Variants in BDNF observed in about 807,000 individuals in gnomAD.
BDNF encodes the protein brain derived neurotrophic factor.
A neutral mutation model predicts 19.5 loss-of-function variants in BDNF; 1 was observed. The ratio of observed to expected loss-of-function variants is 0.05; its 90% CI spans 0.02 to 0.24. The LOEUF is 0.24. Among genes scored for constraint, BDNF ranks in the 10% least tolerant of loss-of-function variants. The pLI is 1.00. For synonymous variants in BDNF, 100 were observed against 121.6 expected, an observed-to-expected ratio of 0.82 and a Z score of 1.17; for missense variants, 195 against 317.6, an observed-to-expected ratio of 0.61 and a Z score of 2.93.
chr11:27,720,484 G>T (rs1248678564), intron 1 of BDNF: 11 of 985,700 alleles, frequency 1.1e-5, no homozygotes, highest in Non-Finnish European at 1.3e-5. Context: ...CAACTTCAGC[G>T]AGCTCAATGA....
chr11:27,668,852 C>T (rs2353487), intron 1 of BDNF, among the ~76,000 whole-genome samples: 81,986 of 151,726 alleles, frequency 0.54, 25,128 homozygotes, highest in East Asian at 0.75. Context: ...GAGCTGGTAC[C>T]ATTCTGAAAC....
chr11:27,721,446 C>T lies in BDNF; in HGVS notation c.-32G>A, dbSNP rs1769835191. On this transcript the variant is annotated 5_prime_UTR_variant, in exon 1 of 2. Coordinates refer to the BDNF transcript ENST00000314915. ...TTTGCTGTCCTGGAGACTCAAGTGT[C>T]TTAAAATCTCGTCTCCCCAACAGAT... 2.5e-6 allele frequency: 4 copies of T among 1,613,428 alleles called. No individual in the cohort carries two copies. In the African/African-American group the frequency reaches 4.0e-5, roughly 16 times the overall value.
intron 1 of BDNF, chr11:27,660,150 A>G (rs1445700379): frequency 2.7e-5 from 30 of 1,120,924 alleles, no homozygotes; most frequent in Non-Finnish European, 3.2e-5. Flanking sequence ...TTCAAAGGCA[A>G]CCTACCTCCA....
At chr11:27,670,934 GCTA>G (rs1440676431) in intron 1 of BDNF, among the ~76,000 whole-genome samples, 1 of 152,198 alleles carries the variant, frequency 6.6e-6, no homozygotes, top group African/African-American at 2.4e-5. Context: ...TATAAATCAT[GCTA>G]CTATAAAGAC....
intron 1 of BDNF, among the ~76,000 whole-genome samples, chr11:27,698,466 A>G (rs1456298582): frequency 6.6e-6 from 1 of 152,188 alleles, no homozygotes; most frequent in African/African-American, 2.4e-5. Context: ...CATTGAAGGC[A>G]CACACGTTCA....
intron 1 of BDNF, chr11:27,720,511 C>T (rs1860707262): frequency 1.0e-6 from 1 of 985,798 alleles, no homozygotes; most frequent in Admixed American, 6.2e-5. Context: ...CAAACTGGGG[C>T]TCGCTTTCCA....
At chr11:27,687,403 C>A (rs1857620278) in intron 1 of BDNF, among the ~76,000 whole-genome samples, 1 of 152,182 alleles carries the variant, frequency 6.6e-6, no homozygotes, top group Admixed American at 6.5e-5. Flanking sequence ...CTGAAGCATA[C>A]TTCTGTCAAT....
intron 1 of BDNF, among the ~76,000 whole-genome samples, chr11:27,673,026 G>T (rs1334064328): frequency 1.3e-5 from 2 of 152,078 alleles, no homozygotes; most frequent in African/African-American, 4.8e-5. Flanking sequence ...ATTTGCAAAT[G>T]GGTGGGGCTG....
upstream of BDNF, among the ~76,000 whole-genome samples, chr11:27,704,431 A>C (rs1272254499): frequency 1.3e-5 from 2 of 152,134 alleles, no homozygotes; most frequent in East Asian, 3.8e-4. Flanking sequence ...TGACATTGAC[A>C]TGTTTTTTCT....
At chr11:27,699,217 C>T (rs1859587588) in intron 1 of BDNF, among the ~76,000 whole-genome samples, 1 of 151,884 alleles carries the variant, frequency 6.6e-6, no homozygotes, top group Non-Finnish European at 1.5e-5. Context: ...TCCCTCATCC[C>T]CGCTCTACCC....
chr11:27,667,323 G>A (rs964398048), intron 1 of BDNF, among the ~76,000 whole-genome samples: 10 of 152,154 alleles, frequency 6.6e-5, no homozygotes, highest in Non-Finnish European at 1.3e-4. Flanking sequence ...ATGCCAAATT[G>A]TAAAGATCAT....
intron 1 of BDNF, among the ~76,000 whole-genome samples, chr11:27,715,141 T>C (rs1860465499): frequency 1.3e-5 from 2 of 152,174 alleles, no homozygotes; most frequent in African/African-American, 4.8e-5. Context: ...AATAAAATTA[T>C]GAATGCTAGA....
intron 1 of BDNF, among the ~76,000 whole-genome samples, chr11:27,694,991 C>T (rs1858817675): frequency 1.3e-5 from 2 of 152,156 alleles, no homozygotes; most frequent in South Asian, 2.1e-4. Flanking sequence ...TACATTACAA[C>T]GTTAAAAGGA....
At chr11:27,673,602 C>T (rs538674223) in intron 1 of BDNF, among the ~76,000 whole-genome samples, 1 of 152,266 alleles carries the variant, frequency 6.6e-6, no homozygotes, top group South Asian at 2.1e-4. Flanking sequence ...GCTGCATAAC[C>T]ACACTTTTAA....
intron 1 of BDNF, among the ~76,000 whole-genome samples, chr11:27,668,189 A>C (rs1004969183): frequency 8.5e-5 from 13 of 152,214 alleles, no homozygotes; most frequent in Admixed American, 2.0e-4. Flanking sequence ...AACGAAGTGA[A>C]GGCAGAAATA....
chr11:27,657,379 T>C lies in BDNF; in HGVS notation c.*442A>G. 9.9e-7 allele frequency: 1 copy of C among 1,014,710 alleles called. No homozygotes were observed. The highest frequency in any genetic ancestry group is 1.2e-6 in the Non-Finnish European group (1 of 847,300). 62.9% of individuals were successfully genotyped at this position (1,014,710 alleles called of 1,614,324 possible). On this transcript the variant is annotated 3_prime_UTR_variant, in exon 2 of 2. Coordinates refer to ENST00000356660, the MANE Select transcript of BDNF (RefSeq NM_001709.5). This position sits in a 1 kb window ranked among gnomAD's most constrained non-coding sequence, Gnocchi z 5.0. The stretch of plus-strand genomic sequence containing the variant: ...CAGAAGTTAAAAGCAGTAAAACAGA[T>C]ATAGTACTAACAAGAACGAAGATAC...
upstream of BDNF, among the ~76,000 whole-genome samples, chr11:27,703,210 G>C (rs528158257): frequency 7.9e-5 from 12 of 152,104 alleles, no homozygotes; most frequent in Admixed American, 5.2e-4. Flanking sequence ...GACCCTCTGC[G>C]TTGGTTCCCA....
At chr11:27,718,159 GAC>G (rs1860588239) in intron 1 of BDNF, among the ~76,000 whole-genome samples, 1 of 152,146 alleles carries the variant, frequency 6.6e-6, no homozygotes, top group Admixed American at 6.5e-5. Context: ...AATTTAGAGT[GAC>G]AGATGATTTC....
chr11:27,699,060 G>T (rs999485057), intron 1 of BDNF, among the ~76,000 whole-genome samples: 1 of 151,852 alleles, frequency 6.6e-6, no homozygotes, highest in African/African-American at 2.4e-5. Context: ...AAGGGATCCC[G>T]CAAAACCTTC....
Sources: allele counts gnomAD v4.1 joint callset (sites outside exome capture counted in the v4.1 genomes callset), GRCh38; gene constraint gnomAD v4.1.1; non-coding constraint Gnocchi (gnomAD v3.1); transcripts MANE v1.5; gene names NCBI Gene and HGNC (gene_info 2026-07-23, HGNC 2026-07-21).